Variants in MMD2 observed in about 807,000 individuals in gnomAD.
MMD2 encodes monocyte to macrophage differentiation factor 2.
Under a neutral mutation model 33.5 loss-of-function variants are expected in MMD2, and 30 were observed. The ratio of observed to expected loss-of-function variants is 0.90; its 90% CI spans 0.67 to 1.22. MMD2 has a LOEUF of 1.22. Ranked by LOEUF, MMD2 falls within the 50% of genes most tolerant of loss-of-function variation. The pLI, the probability that MMD2 is intolerant of heterozygous loss-of-function variation, is 0.00. For missense variants in MMD2, 364 were observed against 325.4 expected (o/e 1.12, Z -0.91); for synonymous variants, 129 against 123.0 (o/e 1.05, Z -0.32).
At chr7:4,915,717 G>A (rs962414003) in intron 4 of MMD2, among the ~76,000 whole-genome samples, 4 of 150,766 alleles carry the variant, frequency 2.7e-5, no homozygotes, top group African/African-American at 7.4e-5. Flanking sequence ...TCTAGCCTGG[G>A]TGACAGAGTG....
chr7:4,926,799 C>T (rs1037393591), intron 1 of MMD2, among the ~76,000 whole-genome samples: 2 of 151,930 alleles, frequency 1.3e-5, no homozygotes, highest in East Asian at 3.9e-4. Flanking sequence ...GGCTGGAGTG[C>T]AGTGGTGCGA....
chr7:4,952,043 G>A (rs1583403501), intron 1 of MMD2, among the ~76,000 whole-genome samples: 1 of 152,170 alleles, frequency 6.6e-6, no homozygotes, highest in East Asian at 1.9e-4. Context: ...GCCTCAACAA[G>A]GTTTTTGAGT....
chr7:4,895,421 A>G, the MMD2 span, among the ~76,000 whole-genome samples: 3 of 152,190 alleles, frequency 2.0e-5, no homozygotes, highest in Admixed American at 6.5e-5. Flanking sequence ...GGATGGGCCA[A>G]AATGGCAATT....
chr7:4,900,707 G>A, the MMD2 span, among the ~76,000 whole-genome samples: 1 of 151,976 alleles, frequency 6.6e-6, no homozygotes, highest in Non-Finnish European at 1.5e-5. Context: ...CCCTCCAGCA[G>A]CATCCCCCCC....
intron 1 of MMD2, among the ~76,000 whole-genome samples, chr7:4,950,187 C>T (rs564192412): frequency 6.6e-6 from 1 of 151,816 alleles, no homozygotes; most frequent in Non-Finnish European, 1.5e-5. Context: ...CAACCTCCAC[C>T]TCCTGGGTTC....
chr7:4,958,427 A>G (rs912916812), intron 1 of MMD2, among the ~76,000 whole-genome samples: 3 of 152,084 alleles, frequency 2.0e-5, no homozygotes, highest in Admixed American at 6.6e-5. Flanking sequence ...AGTTCACACT[A>G]TGAAAAGACC....
At chr7:4,952,898 C>T (rs2011030) in intron 1 of MMD2, among the ~76,000 whole-genome samples, 18,623 of 151,902 alleles carry the variant, frequency 0.12, 1,423 homozygotes, top group East Asian at 0.33. Context: ...ACCACGCTGG[C>T]CAGGCTGGCT....
In MMD2 at chr7:4,956,238, C is replaced by T. The variant is rs557322518; in HGVS notation, c.47+2733G>A. On this transcript the variant is annotated intron_variant, in intron 1 of 6. Coordinates refer to ENST00000401401, the MANE Select transcript of MMD2 (RefSeq NM_198403.4). ...AGGTGCTCAAGACCAGCCTGGGCAA[C>T]ATAGTGAGACCCCATCTTTACAGAT... Among the ~76,000 whole-genome samples, 9 of 152,006 alleles carry T rather than the reference C, an allele frequency of 5.9e-5. No individual in the cohort carries two copies. The South Asian group carries it at 1.7e-3, about 28-fold the overall frequency.
intron 1 of MMD2, among the ~76,000 whole-genome samples, chr7:4,929,721 C>T (rs1785525759): frequency 6.6e-6 from 1 of 151,880 alleles, no homozygotes; most frequent in African/African-American, 2.4e-5. Flanking sequence ...GACAGGTTTT[C>T]ACTATGTTGG....
chr7:4,958,516 G>A (rs1233402190), intron 1 of MMD2, among the ~76,000 whole-genome samples: 1 of 152,092 alleles, frequency 6.6e-6, no homozygotes, highest in Non-Finnish European at 1.5e-5. Context: ...TCTTTCCTCC[G>A]ACTTGCTGGA....
At chr7:4,909,629 T>G in intron 6 of MMD2, 1 of 675,282 alleles carries the variant, frequency 1.5e-6, no homozygotes, top group Non-Finnish European at 2.7e-6. Flanking sequence ...TAGAGATGGG[T>G]CTTGCTATGT....
rs1786077488 is a variant in MMD2 at position 4,946,151 on chromosome 7, ACCCGCG to A, written c.47+12814_47+12819del. Among the ~76,000 whole-genome samples the A allele has an allele frequency of 6.7e-6, 1 of 149,384 alleles. No homozygotes were observed. The highest frequency in any genetic ancestry group is 1.5e-5 in the Non-Finnish European group (1 of 67,314). On this transcript the variant is annotated intron_variant, in intron 1 of 6. Coordinates refer to ENST00000401401, the MANE Select transcript of MMD2 (RefSeq NM_198403.4). The surrounding 1 kb of genome is among the most constrained non-coding windows in gnomAD (Gnocchi z 5.0). ...CACCTGCACACGCACGCACACCCAC[ACCCGCG>A]CGCACACCTGCACACATGCACACAC...
chr7:4,928,802 T>C (rs1406338351), intron 1 of MMD2, among the ~76,000 whole-genome samples: 4 of 152,008 alleles, frequency 2.6e-5, no homozygotes, highest in Non-Finnish European at 4.4e-5. Flanking sequence ...GTACCTTTGA[T>C]GTGTTGGCTC....
chr7:4,904,827 G>A (rs1784839572), downstream of MMD2, among the ~76,000 whole-genome samples: 1 of 152,180 alleles, frequency 6.6e-6, no homozygotes, highest in Non-Finnish European at 1.5e-5. Context: ...CCCTCCAGGA[G>A]CTCCCAGGCC....
chr7:4,921,328 T>C (rs1055810769), intron 2 of MMD2, among the ~76,000 whole-genome samples: 1 of 151,874 alleles, frequency 6.6e-6, no homozygotes, highest in African/African-American at 2.4e-5. Context: ...CAGGTTTAAA[T>C]AGTGGATGGC....
chr7:4,922,619 G>C (rs1252339837), intron 2 of MMD2, among the ~76,000 whole-genome samples: 1 of 152,016 alleles, frequency 6.6e-6, no homozygotes, highest in Non-Finnish European at 1.5e-5. Flanking sequence ...CTGTTGCCCA[G>C]GCTGGAGTGC....
At chr7:4,957,651 GAA>G (rs35465709) in intron 1 of MMD2, among the ~76,000 whole-genome samples, 1 of 143,722 alleles carries the variant, frequency 7.0e-6, no homozygotes. Context: ...CTCCATCTCA[GAA>G]AAAAAAAAAA....
intron 2 of MMD2, among the ~76,000 whole-genome samples, chr7:4,923,653 T>C (rs1785343317): frequency 1.3e-5 from 2 of 152,126 alleles, no homozygotes; most frequent in South Asian, 4.1e-4. Context: ...GTCGATGAGT[T>C]AGCTTGTGGC....
At chr7:4,951,430 C>T (rs1451456083) in intron 1 of MMD2, among the ~76,000 whole-genome samples, 1 of 152,074 alleles carries the variant, frequency 6.6e-6, no homozygotes, top group Non-Finnish European at 1.5e-5. Context: ...TGCCCTGGGT[C>T]CCTGCACTTC....
Sources: gnomAD v4.1 joint callset for allele counts (sites outside exome capture counted in the v4.1 genomes callset) on GRCh38, gnomAD v4.1.1 for gene constraint, Gnocchi (gnomAD v3.1) non-coding constraint, MANE v1.5 for transcripts, NCBI Gene and HGNC (gene_info 2026-07-23, HGNC 2026-07-21) for gene names.